Variants in GLMN observed in about 807,000 individuals in gnomAD.
GLMN encodes glomulin, FKBP associated protein, also known as glomulin.
Under a neutral mutation model 87.8 loss-of-function variants are expected in GLMN, and 75 were observed. The ratio of observed to expected loss-of-function variants is 0.85; its 90% CI spans 0.71 to 1.04. GLMN has a LOEUF of 1.04. Ranked by LOEUF, GLMN falls within the 50% of genes least tolerant of loss-of-function variation. GLMN has a pLI of 0.00. For synonymous variants in GLMN, 206 were observed against 221.6 expected (o/e 0.93, Z 0.63); for missense variants, 588 against 658.8 (o/e 0.89, Z 1.18).
At chr1:92,247,210 A>G (rs1652806421) in intron 17 of GLMN, 66 bp from the exon 18 acceptor site, 3 of 802,402 alleles carry the variant, frequency 3.7e-6, no homozygotes, top group Middle Eastern at 2.2e-4. Flanking sequence ...GGTATAAGCT[A>G]CTTTCATTCA....
the GLMN span, among the ~76,000 whole-genome samples, chr1:92,322,070 T>C: frequency 6.6e-6 from 1 of 150,710 alleles, no homozygotes; most frequent in Admixed American, 6.6e-5. Flanking sequence ...CTCAGCCTCC[T>C]GAGTAACTGG....
the GLMN span, among the ~76,000 whole-genome samples, chr1:92,315,867 C>T: frequency 6.6e-6 from 1 of 152,096 alleles, no homozygotes; most frequent in South Asian, 2.1e-4. Context: ...CTGTTAGAGA[C>T]AAAACATTGA....
chr1:92,268,884 A>G (rs1337946948), intron 9 of GLMN, among the ~76,000 whole-genome samples: 1 of 151,748 alleles, frequency 6.6e-6, no homozygotes, highest in East Asian at 1.9e-4. Context: ...TTCTGTCTAG[A>G]AATTATGTAT....
chr1:92,289,198 G>T, intron 5 of GLMN, 47 bp from the exon 6 acceptor site: 1 of 1,103,582 alleles, frequency 9.1e-7, no homozygotes, highest in Non-Finnish European at 1.4e-6. Flanking sequence ...CTAAACATGG[G>T]ACAAGAAATT....
chr1:92,247,021 T>G, intron 18 of GLMN, 41 bp downstream of exon 18: 2 of 1,075,622 alleles, frequency 1.9e-6, no homozygotes, highest in Non-Finnish European at 2.8e-6. Flanking sequence ...AGACCCCGTT[T>G]CTAAAGAAGA....
Position 92,286,581 on chromosome 1 carries a change from C to T in GLMN, c.644G>A (p.Ser215Asn). The T allele has an allele frequency of 6.4e-7, 1 of 1,574,742 alleles. No homozygotes were observed. Among genetic ancestry groups the T allele is most frequent in the Middle Eastern group, 1.7e-4 (1 of 5,972 alleles). The change falls in exon 7 of 19, where the codon AGC becomes AAC. Residue 215 changes from serine to asparagine, a missense_variant. Transcript: ENST00000370360. ...KDELLKFCFK[S>N]LKCPLLTAQF... ...TGCTGTCAGCAAAGGGCATTTCAAG[C>T]TTTTGAAACAACTAAGGCATAAGAA...
the GLMN span, chr1:92,324,070 A>G: frequency 6.2e-7 from 1 of 1,614,066 alleles, no homozygotes; most frequent in Non-Finnish European, 8.5e-7. Flanking sequence ...AGAAACATTG[A>G]GGTTTTTGTA....
At position 92,262,795 on chromosome 1, in the gene GLMN, T is replaced by C. The variant is rs555652008; in HGVS notation, c.1473+68A>G. 1.3e-4 allele frequency: 94 copies of C among 738,252 alleles called. No homozygotes were observed. In the East Asian group the frequency reaches 2.4e-3, roughly 18 times the overall value. 45.7% of individuals were successfully genotyped at this position (738,252 alleles called of 1,614,324 possible). On this transcript the variant is annotated intron_variant, in intron 16 of 18. Coordinates refer to ENST00000370360, the MANE Select transcript of GLMN (RefSeq NM_053274.3). Reference sequence around the variant, plus strand: ...GATATTAAATATTGGCTTTAGGTACTGAATATCTGAAACATTCCTTATGCC... The same window carrying C: ...GATATTAAATATTGGCTTTAGGTACCGAATATCTGAAACATTCCTTATGCC...
At chr1:92,285,658 C>CA (rs2101014474) in intron 7 of GLMN, among the ~76,000 whole-genome samples, 1 of 152,258 alleles carries the variant, frequency 6.6e-6, no homozygotes, top group South Asian at 2.1e-4. Flanking sequence ...CCTTGCCCCC[C>CA]TCTTGCTCTC....
At chr1:92,316,681 A>G in the GLMN span, among the ~76,000 whole-genome samples, 53 of 152,330 alleles carry the variant, frequency 3.5e-4, no homozygotes, top group African/African-American at 1.3e-3. Context: ...CAGGACAACA[A>G]AAATTGTGGG....
the GLMN span, among the ~76,000 whole-genome samples, chr1:92,357,832 CCT>C: frequency 6.6e-6 from 1 of 152,214 alleles, no homozygotes; most frequent in Admixed American, 6.5e-5. Context: ...ATACCCTGCC[CCT>C]GAGATAAATT....
intron 7 of GLMN, 49 bp downstream of exon 7, chr1:92,286,440 AT>A: frequency 1.1e-6 from 1 of 884,326 alleles, no homozygotes; most frequent in South Asian, 1.3e-5. Context: ...TACTGAGAAT[AT>A]AGTGGGATAA....
rs985047495 is a variant in GLMN, at chr1:92,264,549, C to T, written c.1299+5G>A. ...TGGTAATTGACACTTTGGCTATGTT[C>T]TTACCTTTAATGACATGTCAATTTG... On this transcript the variant is annotated splice_donor_5th_base_variant and intron_variant, in intron 14 of 18. Transcript: ENST00000370360. The T allele has an allele frequency of 1.4e-6, 2 of 1,409,638 alleles. No homozygotes were observed. Among genetic ancestry groups the T allele is most frequent in the African/African-American group, 2.8e-5 (2 of 71,032 alleles). The allele number at this position is 1,409,638 out of a possible 1,614,324, so 87.3% of individuals were successfully genotyped here. A position where few individuals can be genotyped will look rare whatever the true frequency, so the allele number is the denominator to read the frequency against.
chr1:92,303,947 G>C (rs1415653007), upstream of GLMN: 1 of 1,449,006 alleles, frequency 6.9e-7, no homozygotes, highest in South Asian at 1.2e-5. Context: ...TATTAAACTA[G>C]GAGGAAATAA....
intron 3 of GLMN, among the ~76,000 whole-genome samples, chr1:92,295,734 A>C (rs1649971346): frequency 6.6e-6 from 1 of 152,180 alleles, no homozygotes; most frequent in Non-Finnish European, 1.5e-5. Flanking sequence ...ATAAAAGCTG[A>C]CTTACTTTTG....
chr1:92,344,055 T>A, the GLMN span, among the ~76,000 whole-genome samples: 1 of 152,210 alleles, frequency 6.6e-6, no homozygotes, highest in East Asian at 1.9e-4. Context: ...CTAGTCTTTT[T>A]TTTGTATGTT....
the GLMN span, among the ~76,000 whole-genome samples, chr1:92,349,703 G>A: frequency 6.6e-6 from 1 of 152,120 alleles, no homozygotes; most frequent in African/African-American, 2.4e-5. Flanking sequence ...TGAGGCAGGA[G>A]GATTGCTTGA....
rs150536401 is a variant in GLMN at position 92,247,981 on chromosome 1, T to A, written c.1482A>T (p.Leu494Phe). 178 of 1,193,078 alleles carry A rather than the reference T, an allele frequency of 1.5e-4. 1 individual carries two copies. The highest frequency in any genetic ancestry group is 9.6e-4 in the South Asian group (79 of 82,470). 73.9% of individuals were successfully genotyped at this position (1,193,078 alleles called of 1,614,324 possible). A position where few individuals can be genotyped will look rare whatever the true frequency, so the allele number is the denominator to read the frequency against. Residue 494 changes from leucine to phenylalanine, a missense_variant, in exon 17 of 19, where the codon TTA becomes TTT. Leu to Phe is a conservative substitution (Grantham distance 22). Coordinates refer to ENST00000370360, the MANE Select transcript of GLMN (RefSeq NM_053274.3). ...KDNENDNQTG[L>F]WTELGNIENN... ...TCTCAATATTTCCAAGTTCTGTCCA[T>A]AATCCAGTCTGTTAAGAATGAAAGA... is the stretch of plus-strand genomic sequence containing the variant.
chr1:92,300,959 T>C (rs1381860885), upstream of GLMN, among the ~76,000 whole-genome samples: 4 of 152,194 alleles, frequency 2.6e-5, no homozygotes, highest in Non-Finnish European at 5.9e-5. Flanking sequence ...TGATAAGCAC[T>C]ATGAAGGAAA....
Sources: gnomAD v4.1 joint callset for allele counts (sites outside exome capture counted in the v4.1 genomes callset) on GRCh38, gnomAD v4.1.1 for gene constraint, MANE v1.5 for transcripts, NCBI Gene and HGNC (gene_info 2026-07-23, HGNC 2026-07-21) for gene names.